Variants in PAK1 observed in about 807,000 individuals in gnomAD.
PAK1 encodes serine/threonine-protein kinase PAK 1.
A neutral mutation model predicts 67.4 loss-of-function variants in PAK1; 29 were observed. The observed-to-expected ratio is 0.43, with a 90% CI of 0.32 to 0.59. The LOEUF (loss-of-function observed/expected upper bound fraction) is 0.59, where lower values mean the gene tolerates loss of function less well. Ranked by LOEUF, PAK1 falls within the 20% of genes least tolerant of loss-of-function variation. PAK1 has a pLI of 0.07. For synonymous variants in PAK1, 223 were observed against 237.4 expected (o/e 0.94, Z 0.56); for missense variants, 337 against 670.7 (o/e 0.50, Z 5.50).
chr11:77,505,056 C>T, the PAK1 span, among the ~76,000 whole-genome samples: 1 of 152,208 alleles, frequency 6.6e-6, no homozygotes, highest in Non-Finnish European at 1.5e-5. Flanking sequence ...TCTCTGTACA[C>T]TTTTTAAAAT....
At chr11:77,383,307 T>C (rs1950066401) in intron 2 of PAK1, among the ~76,000 whole-genome samples, 2 of 151,788 alleles carry the variant, frequency 1.3e-5, no homozygotes, top group South Asian at 4.2e-4. Context: ...AGGATTTAGC[T>C]TGGGTACTGT....
chr11:77,416,463 A>T (rs984749034), intron 1 of PAK1, among the ~76,000 whole-genome samples: 11 of 152,164 alleles, frequency 7.2e-5, no homozygotes, highest in Admixed American at 2.0e-4. Flanking sequence ...CTTTAGGGGC[A>T]ATAACATGCA....
At chr11:77,517,999 C>T in the PAK1 span, among the ~76,000 whole-genome samples, 2 of 152,172 alleles carry the variant, frequency 1.3e-5, no homozygotes, top group Non-Finnish European at 2.9e-5. Flanking sequence ...CTGCCACTCA[C>T]CTCCTGCTGT....
the PAK1 span, among the ~76,000 whole-genome samples, chr11:77,514,457 C>T: frequency 2.6e-5 from 4 of 152,172 alleles, no homozygotes; most frequent in South Asian, 2.1e-4. Flanking sequence ...ATCACACCAC[C>T]GCACACCAGC....
chr11:77,422,968 C>T (rs1329372502), intron 1 of PAK1, among the ~76,000 whole-genome samples: 1 of 152,028 alleles, frequency 6.6e-6, no homozygotes, highest in South Asian at 2.1e-4. Flanking sequence ...ACAGAAAGAG[C>T]CTGGGTTCTA....
At chr11:77,387,073 CTT>C (rs34065292) in intron 2 of PAK1, among the ~76,000 whole-genome samples, 12 of 126,782 alleles carry the variant, frequency 9.5e-5, no homozygotes, top group Admixed American at 1.6e-4. Context: ...CACGCCCAGC[CTT>C]TTTTTTTTTT....
chr11:77,426,920 T>A (rs1955578954), intron 1 of PAK1, among the ~76,000 whole-genome samples: 1 of 150,320 alleles, frequency 6.7e-6, no homozygotes, highest in Non-Finnish European at 1.5e-5. Context: ...GACAGTTCAA[T>A]CTCAGGGTAG....
At chr11:77,480,455 T>G in the PAK1 span, among the ~76,000 whole-genome samples, 1 of 152,112 alleles carries the variant, frequency 6.6e-6, no homozygotes, top group Admixed American at 6.5e-5. Flanking sequence ...AATATACACT[T>G]TCTCATCTGT....
At chr11:77,354,050 A>C (rs1945662277) in intron 7 of PAK1, among the ~76,000 whole-genome samples, 1 of 152,214 alleles carries the variant, frequency 6.6e-6, no homozygotes, top group Non-Finnish European at 1.5e-5. Flanking sequence ...AGGCACACAC[A>C]CACAAAAAAA....
the PAK1 span, among the ~76,000 whole-genome samples, chr11:77,503,156 C>T: frequency 6.6e-6 from 1 of 152,178 alleles, no homozygotes; most frequent in Non-Finnish European, 1.5e-5. Context: ...CTGATTCCCT[C>T]TGGGGCCACC....
At chr11:77,412,798 T>C (rs1044326834) in intron 1 of PAK1, among the ~76,000 whole-genome samples, 1 of 152,206 alleles carries the variant, frequency 6.6e-6, no homozygotes, top group Non-Finnish European at 1.5e-5. Context: ...AACAACCTTA[T>C]GAAGTAGGCA....
chr11:77,393,298 A>G (rs1273533872), intron 1 of PAK1, among the ~76,000 whole-genome samples: 2 of 149,806 alleles, frequency 1.3e-5, no homozygotes, highest in Admixed American at 6.6e-5. Flanking sequence ...AGAGAGAGAG[A>G]GAGAGAGAGA....
chr11:77,431,977 G>C (rs998369668), intron 1 of PAK1, among the ~76,000 whole-genome samples: 1 of 152,136 alleles, frequency 6.6e-6, no homozygotes, highest in Non-Finnish European at 1.5e-5. Flanking sequence ...TCCCACTCTT[G>C]TACTCTAAAG....
chr11:77,519,630 T>G, the PAK1 span, among the ~76,000 whole-genome samples: 17 of 152,260 alleles, frequency 1.1e-4, no homozygotes, highest in East Asian at 1.9e-4. Context: ...AAATGCTGGT[T>G]TTTTTTTCCT....
At chr11:77,330,234 C>A (rs957888259) in intron 14 of PAK1, among the ~76,000 whole-genome samples, 18 of 152,048 alleles carry the variant, frequency 1.2e-4, no homozygotes, top group Non-Finnish European at 2.5e-4. Flanking sequence ...GATTCAATGC[C>A]ATCCCCATCA....
At chr11:77,371,395 A>T (rs1248207851) in intron 5 of PAK1, among the ~76,000 whole-genome samples, 1 of 151,854 alleles carries the variant, frequency 6.6e-6, no homozygotes, top group Non-Finnish European at 1.5e-5. Flanking sequence ...TCTGTCATTA[A>T]TTTTTTTTCT....
chr11:77,365,167 G>A (rs760430447), intron 5 of PAK1, among the ~76,000 whole-genome samples: 2 of 149,186 alleles, frequency 1.3e-5, no homozygotes, highest in Admixed American at 6.7e-5. Flanking sequence ...CAGGAGAATC[G>A]CTTGAACTCA....
chr11:77,374,062 A>G (rs1948779445), intron 5 of PAK1, among the ~76,000 whole-genome samples: 1 of 152,244 alleles, frequency 6.6e-6, no homozygotes, highest in South Asian at 2.1e-4. Flanking sequence ...TAGAATTTCT[A>G]GAACATTTTA....
At position 77,399,703 on chromosome 11, in the gene PAK1, C is replaced by T. The variant is rs555569338; in HGVS notation, c.-21-7162G>A. ...TGAAACCCCGTCTCTACTAAAAATACAAAAAATTAGCCAGGCGTAGTGGCG... is the reference window on the plus strand; with the variant it reads ...TGAAACCCCGTCTCTACTAAAAATATAAAAAATTAGCCAGGCGTAGTGGCG... On this transcript the variant is annotated intron_variant, in intron 1 of 14. Transcript: ENST00000356341. 1.8e-3 allele frequency among the ~76,000 whole-genome samples: 271 copies of T among 150,136 alleles called. 1 individual carries two copies. Among genetic ancestry groups the T allele is most frequent in the Non-Finnish European group, 2.9e-3 (194 of 67,470 alleles).
Sources: allele counts gnomAD v4.1 joint callset (sites outside exome capture counted in the v4.1 genomes callset), GRCh38; gene constraint gnomAD v4.1.1; transcripts MANE v1.5; gene names NCBI Gene and HGNC (gene_info 2026-07-23, HGNC 2026-07-21).